MEGF8: variants seen among roughly 807,000 people sequenced by gnomAD.
MEGF8 encodes multiple EGF like domains 8.
A neutral mutation model predicts 302.9 loss-of-function variants in MEGF8; 156 were observed. The ratio of observed to expected loss-of-function variants is 0.52; its 90% CI spans 0.45 to 0.59. The LOEUF (loss-of-function observed/expected upper bound fraction) is 0.59, where lower values mean the gene tolerates loss of function less well. Ranked by LOEUF, MEGF8 falls within the 20% of genes least tolerant of loss-of-function variation. The pLI is 0.00. For synonymous variants in MEGF8, 1,621 were observed against 1,660.5 expected (o/e 0.98, Z 0.58); for missense variants, 3,345 against 3,964.5 (o/e 0.84, Z 4.20).
intron 32 of MEGF8, 122 bp from the exon 33 acceptor site, chr19:42,361,968 C>T: frequency 2.8e-6 from 4 of 1,428,520 alleles, no homozygotes; most frequent in Non-Finnish European, 3.7e-6. Flanking sequence ...GACAGCCAGG[C>T]TCAGGAGGCC....
rs780675709 is a variant in MEGF8 at position 42,343,470 on chromosome 19, C to G, written c.1514-7C>G. ...TAATAATGTCATTGGGGTCTCTATT[C>G]CCCTAGGCCGAGCAGCGCCTCCCAG... On this transcript the variant is annotated splice_polypyrimidine_tract_variant and splice_region_variant and intron_variant, in intron 8 of 41. Transcript: ENST00000251268. The G allele has an allele frequency of 2.1e-5, 33 of 1,593,678 alleles. No homozygotes were observed. In the South Asian group the frequency reaches 2.8e-4, roughly 13 times the overall value.
At chr19:42,373,549 T>G (rs998196348) in intron 41 of MEGF8, among the ~76,000 whole-genome samples, 1 of 150,782 alleles carries the variant, frequency 6.6e-6, no homozygotes, top group Non-Finnish European at 1.5e-5. Context: ...TACAAGCATG[T>G]GCTATCATAC....
At position 42,353,059 on chromosome 19, in the gene MEGF8, G is replaced by C; in HGVS notation, c.3482G>C (p.Arg1161Pro). ...APGPPAPRCS[R>P]DCGCSFHSHC... ...GGTCCGCCAGCCCCCCGCTGCTCCC[G>C]GGACTGTGGCTGCAGCTTCCACAGC... The change falls in exon 20 of 42, where the codon CGG becomes CCG. Residue 1161 changes from arginine (R) to proline (P), a missense_variant. By Grantham distance (103) the Arg-to-Pro change is moderately radical. Transcript: ENST00000251268. The surrounding 1 kb of genome is among the most constrained non-coding windows in gnomAD (Gnocchi z 6.1). 2 of 1,550,824 alleles carry C rather than the reference G, an allele frequency of 1.3e-6. No individual in the cohort carries two copies. Among genetic ancestry groups the C allele is most frequent in the Non-Finnish European group, 1.7e-6 (2 of 1,147,446 alleles).
rs1396368107 is a variant in MEGF8 at position 42,358,541 on chromosome 19, G to A, written c.5175+234G>A. ...GCCCAGCTCTCCCCTGAGTCTTGGTGCGGCCCTGGCAGGCCCCTTCCCCGT... is the reference window on the plus strand; with the variant it reads ...GCCCAGCTCTCCCCTGAGTCTTGGTACGGCCCTGGCAGGCCCCTTCCCCGT... On this transcript the variant is annotated intron_variant, in intron 29 of 41. Coordinates refer to ENST00000251268, the MANE Select transcript of MEGF8 (RefSeq NM_001271938.2). The surrounding 1 kb of genome is among the most constrained non-coding windows in gnomAD (Gnocchi z 4.4). Among the ~76,000 whole-genome samples the A allele has an allele frequency of 2.6e-5, 4 of 152,258 alleles. No homozygotes were observed. The East Asian group carries it at 5.8e-4, about 22-fold the overall frequency.
rs748082298 is a variant in MEGF8, at chr19:42,353,510, T to G, written c.3596T>G (p.Phe1199Cys). 1 of 1,610,482 alleles carries G rather than the reference T, an allele frequency of 6.2e-7. No homozygotes were observed. The highest frequency in any genetic ancestry group is 1.1e-5 in the South Asian group (1 of 90,666). ...EHCERCRPGSFGNATGSRGCR... is the reference protein window; with the variant it reads ...EHCERCRPGSCGNATGSRGCR... ...TGCGAACGATGCCGGCCCGGCAGCT[T>G]CGGCAACGCCACAGGCTCTAGGGGC... The change falls in exon 21 of 42, where the codon TTC (phenylalanine) becomes TGC (cysteine). Residue 1199 changes from phenylalanine to cysteine, a missense_variant. By Grantham distance (205) the Phe-to-Cys change is radical. Transcript: ENST00000251268. The surrounding 1 kb of genome is among the most constrained non-coding windows in gnomAD (Gnocchi z 6.1).
chr19:42,339,642 A>G (rs770916455), intron 8 of MEGF8, among the ~76,000 whole-genome samples: 1 of 152,098 alleles, frequency 6.6e-6, no homozygotes, highest in Non-Finnish European at 1.5e-5. Flanking sequence ...GTTTGCAAAT[A>G]TTTTCTCACA....
At position 42,376,331 on chromosome 19, in the gene MEGF8, C is replaced by A; in HGVS notation, c.8094C>A (p.Ala2698=). ...CCAAGATGGCCAGCCGCCCCTTCGCCAAGGTCACCGTCTGCTTCCCACCTG... is the reference window on the plus strand; with the variant it reads ...CCAAGATGGCCAGCCGCCCCTTCGCAAAGGTCACCGTCTGCTTCCCACCTG... ...EMTKMASRPF[A]KVTVCFPPDP... Residue 2698 remains alanine (A), a synonymous_variant, in exon 42 of 42, where the codon GCC becomes GCA. Coordinates refer to ENST00000251268, the MANE Select transcript of MEGF8 (RefSeq NM_001271938.2). This position sits in a 1 kb window ranked among gnomAD's most constrained non-coding sequence, Gnocchi z 8.2. 1 of 1,613,714 alleles carries A rather than the reference C, an allele frequency of 6.2e-7. No individual in the cohort carries two copies. The highest frequency in any genetic ancestry group is 1.1e-5 in the South Asian group (1 of 91,090).
chr19:42,348,946 T>C (rs938823416), intron 13 of MEGF8, among the ~76,000 whole-genome samples: 5 of 152,028 alleles, frequency 3.3e-5, no homozygotes, highest in Non-Finnish European at 7.4e-5. Flanking sequence ...AGGTTTTCAA[T>C]TGTGAGCAGA....
chr19:42,338,401 G>T (rs188855409), intron 8 of MEGF8, among the ~76,000 whole-genome samples: 1 of 152,188 alleles, frequency 6.6e-6, no homozygotes, highest in South Asian at 2.1e-4. Context: ...CACCACACCC[G>T]GCTAATCTTT....
At position 42,353,364 on chromosome 19, in the gene MEGF8, T is replaced by C; in HGVS notation, c.3551-101T>C. ...CTGATCTGGGCCTTGGTTTCTCACC[T>C]TTGAAGCGGCTGGGTGGGGTCAGGG... On this transcript the variant is annotated intron_variant, in intron 20 of 41. Coordinates refer to ENST00000251268, the MANE Select transcript of MEGF8 (RefSeq NM_001271938.2). This position sits in a 1 kb window ranked among gnomAD's most constrained non-coding sequence, Gnocchi z 6.1. 1 of 1,380,272 alleles carries C rather than the reference T, an allele frequency of 7.2e-7. No individual in the cohort carries two copies. Among genetic ancestry groups the C allele is most frequent in the Non-Finnish European group, 9.9e-7 (1 of 1,013,926 alleles). 85.5% of individuals were successfully genotyped at this position (1,380,272 alleles called of 1,614,324 possible). A position where few individuals can be genotyped will look rare whatever the true frequency, so the allele number is the denominator to read the frequency against.
In MEGF8 at chr19:42,376,532, T is replaced by C. The variant is rs2039773476; in HGVS notation, c.8295T>C (p.Ala2765=). 1.3e-6 allele frequency: 2 copies of C among 1,568,978 alleles called. No individual in the cohort carries two copies. The highest frequency in any genetic ancestry group is 1.7e-6 in the Non-Finnish European group (2 of 1,159,982). The change falls in exon 42 of 42, where the codon GCT becomes GCC. Residue 2765 remains alanine (A), a synonymous_variant. Coordinates refer to ENST00000251268, the MANE Select transcript of MEGF8 (RefSeq NM_001271938.2). This position sits in a 1 kb window ranked among gnomAD's most constrained non-coding sequence, Gnocchi z 8.2. ...CCGCCACCACTGCTGGGCTGCGAGC[T>C]GGGCCCATCACTCTCGAGCCCACAG... is the stretch of plus-strand genomic sequence containing the variant. The part of the protein sequence containing the change: ...AIPATTAGLR[A]GPITLEPTED...
chr19:42,375,604 C>A lies in MEGF8; in HGVS notation c.7367C>A (p.Thr2456Lys), dbSNP rs757470081. 5 of 1,604,592 alleles carry A rather than the reference C, an allele frequency of 3.1e-6. No individual in the cohort carries two copies. The highest frequency in any genetic ancestry group is 4.3e-6 in the Non-Finnish European group (5 of 1,176,442). ...SVEQECCLDP[T>K]SQTNCFHEPK... ...GAGCAGGAGTGCTGCCTGGACCCCACGTCCCAGACCAACTGCTTCCATGAG... is the reference window on the plus strand; with the variant it reads ...GAGCAGGAGTGCTGCCTGGACCCCAAGTCCCAGACCAACTGCTTCCATGAG... Residue 2456 changes from threonine (T) to lysine (K), a missense_variant, in exon 42 of 42, where the codon ACG becomes AAG. Thr to Lys is a moderately conservative substitution (Grantham distance 78). Coordinates refer to ENST00000251268, the MANE Select transcript of MEGF8 (RefSeq NM_001271938.2). This position sits in a 1 kb window ranked among gnomAD's most constrained non-coding sequence, Gnocchi z 7.1.
rs181125652 is a variant in MEGF8 at position 42,374,595 on chromosome 19, C to T, written c.7270-912C>T. On this transcript the variant is annotated intron_variant, in intron 41 of 41. Transcript: ENST00000251268. ...TCCACTAAGCCACAGGAATCATAGC[C>T]GTTATCTATCCAGCCACACATTCAT... is the stretch of plus-strand genomic sequence containing the variant. Among the ~76,000 whole-genome samples, 380 of 152,172 alleles carry T rather than the reference C, an allele frequency of 2.5e-3. 1 individual carries two copies. Among genetic ancestry groups the T allele is most frequent in the African/African-American group, 8.5e-3 (353 of 41,514 alleles).
chr19:42,349,446 G>A (rs2039336930), intron 13 of MEGF8, 53 bp from the exon 14 acceptor site: 1 of 1,523,610 alleles, frequency 6.6e-7, no homozygotes, highest in South Asian at 1.2e-5. Flanking sequence ...GGGGTCTGAG[G>A]AAGGAATGGG....
At chr19:42,374,846 T>G (rs970576208) in intron 41 of MEGF8, among the ~76,000 whole-genome samples, 1 of 152,060 alleles carries the variant, frequency 6.6e-6, no homozygotes. Flanking sequence ...GTGGGAATGG[T>G]AGACGCAGGA....
At chr19:42,331,589 A>G (rs2147442827) in intron 1 of MEGF8, among the ~76,000 whole-genome samples, 1 of 151,800 alleles carries the variant, frequency 6.6e-6, no homozygotes, top group South Asian at 2.1e-4. Flanking sequence ...TTTTTTTTGA[A>G]ACAGAGTTTC....
intron 14 of MEGF8, 83 bp downstream of exon 14, chr19:42,349,782 ACT>A: frequency 7.1e-7 from 1 of 1,403,504 alleles, no homozygotes; most frequent in Non-Finnish European, 9.9e-7. Flanking sequence ...CAGGCCACAA[ACT>A]CTGAAATCCC....
rs918412692 is a variant in MEGF8, at chr19:42,369,929, C to T, written c.6834+206C>T. The stretch of plus-strand genomic sequence containing the variant: ...AGAGGGTCTGCCCTGGAATAGTGGA[C>T]GGAGTGGGTGCTGCGCCAGGAGGAC... On this transcript the variant is annotated intron_variant, in intron 38 of 41. Transcript: ENST00000251268. This position sits in a 1 kb window ranked among gnomAD's most constrained non-coding sequence, Gnocchi z 5.7. Among the ~76,000 whole-genome samples, 14 of 152,158 alleles carry T rather than the reference C, an allele frequency of 9.2e-5. No homozygotes were observed. The highest frequency in any genetic ancestry group is 2.1e-4 in the Non-Finnish European group (14 of 68,022).
Position 42,344,240 on chromosome 19 carries a change from A to G in MEGF8, c.1788+167A>G, listed in dbSNP as rs988885856. Reference sequence around the variant, plus strand: ...ACTGCGGAGCCCTGAACCTTTGCCTATCCCACCCAGCCCGACCCTTTTGAG... The same window carrying G: ...ACTGCGGAGCCCTGAACCTTTGCCTGTCCCACCCAGCCCGACCCTTTTGAG... On this transcript the variant is annotated intron_variant, in intron 10 of 41. Transcript: ENST00000251268. The surrounding 1 kb of genome is among the most constrained non-coding windows in gnomAD (Gnocchi z 4.5). Among the ~76,000 whole-genome samples the G allele has an allele frequency of 2.0e-5, 3 of 151,752 alleles. No individual in the cohort carries two copies. Among genetic ancestry groups the G allele is most frequent in the Admixed American group, 1.3e-4 (2 of 15,244 alleles).
Sources: gnomAD v4.1 joint callset for allele counts (sites outside exome capture counted in the v4.1 genomes callset) on GRCh38, gnomAD v4.1.1 for gene constraint, Gnocchi (gnomAD v3.1) non-coding constraint, MANE v1.5 for transcripts, NCBI Gene and HGNC (gene_info 2026-07-23, HGNC 2026-07-21) for gene names.